CCDC170: variants seen among roughly 807,000 people sequenced by gnomAD.
The protein encoded by CCDC170 is coiled-coil domain-containing protein 170.
In CCDC170, 69 loss-of-function variants were observed where a neutral mutation model predicts 72.6. The observed-to-expected ratio is 0.95, with a 90% CI of 0.78 to 1.16. CCDC170 has a LOEUF of 1.16. CCDC170 is among the 50% of genes most tolerant of loss of function. The probability of loss-of-function intolerance (pLI) is 0.00; values close to 1 mark genes in which losing one functional copy is unlikely to be tolerated. For synonymous variants in CCDC170, 300 were observed against 303.9 expected, an observed-to-expected ratio of 0.99 and a Z score of 0.13; for missense variants, 852 against 832.5, an observed-to-expected ratio of 1.02 and a Z score of -0.29.
intron 5 of CCDC170, among the ~76,000 whole-genome samples, chr6:151,554,767 T>A (rs1263316705): frequency 6.6e-6 from 1 of 151,918 alleles, no homozygotes; most frequent in African/African-American, 2.4e-5. Context: ...CGCAGAGCGG[T>A]TAAGAAGCTA....
intron 7 of CCDC170, among the ~76,000 whole-genome samples, chr6:151,587,253 T>G (rs757284457): frequency 1.2e-4 from 18 of 152,032 alleles, no homozygotes; most frequent in Non-Finnish European, 2.1e-4. Flanking sequence ...CAGTGATCTT[T>G]GAGAGGCAGT....
intron 9 of CCDC170, among the ~76,000 whole-genome samples, chr6:151,615,181 C>T (rs79621305): frequency 0.015 from 2,263 of 152,178 alleles, 28 homozygotes; most frequent in Non-Finnish European, 0.023. Flanking sequence ...AAATCTGACC[C>T]CAGAATTATG....
intron 5 of CCDC170, among the ~76,000 whole-genome samples, chr6:151,568,976 A>G (rs949632058): frequency 6.6e-6 from 1 of 152,230 alleles, no homozygotes; most frequent in African/African-American, 2.4e-5. Context: ...ATAAGTGCAT[A>G]TTAAGTTTTG....
intron 9 of CCDC170, among the ~76,000 whole-genome samples, chr6:151,606,455 T>C (rs73617526): frequency 0.029 from 4,409 of 152,322 alleles, 175 homozygotes; most frequent in African/African-American, 0.093. Context: ...GATTGATTTC[T>C]AATTTTAGTC....
At chr6:151,596,719 G>A (rs1776631723) in intron 9 of CCDC170, 142 bp downstream of exon 9, 1 of 1,219,766 alleles carries the variant, frequency 8.2e-7, no homozygotes, top group African/African-American at 1.5e-5. Context: ...TGGGAAAAAT[G>A]CAAAAATGAC....
chr6:151,555,989 T>C (rs942520739), intron 5 of CCDC170, among the ~76,000 whole-genome samples: 8 of 152,336 alleles, frequency 5.3e-5, no homozygotes, highest in Admixed American at 3.9e-4. Flanking sequence ...CGTATGCCTG[T>C]AATGTCAACA....
intron 7 of CCDC170, among the ~76,000 whole-genome samples, chr6:151,588,110 C>T (rs1776480977): frequency 6.6e-6 from 1 of 152,142 alleles, no homozygotes; most frequent in Non-Finnish European, 1.5e-5. Context: ...AGTCTAATGA[C>T]TCAGGCTTCA....
At chr6:151,574,208 T>G (rs2115090881) in intron 6 of CCDC170, among the ~76,000 whole-genome samples, 1 of 152,288 alleles carries the variant, frequency 6.6e-6, no homozygotes, top group South Asian at 2.1e-4. Context: ...GCAAATCCTG[T>G]CTCTAAAAAA....
intron 1 of CCDC170, among the ~76,000 whole-genome samples, chr6:151,515,448 A>G (rs1782221648): frequency 6.6e-6 from 1 of 152,098 alleles, no homozygotes; most frequent in African/African-American, 2.4e-5. Flanking sequence ...ACACCTGGCT[A>G]ATTTTTGTAT....
chr6:151,557,408 C>CA lies in CCDC170; in HGVS notation c.774+8936dup, dbSNP rs201961628. 2.9e-3 allele frequency among the ~76,000 whole-genome samples: 383 copies of CA among 132,212 alleles called. 2 individuals carry two copies. The highest frequency in any genetic ancestry group is 0.011 in the South Asian group (47 of 4,114). 86.7% of individuals were successfully genotyped at this position (132,212 alleles called of 152,430 possible). ...TGGGTGACAGAGCGAGATTCTGTCT[C>CA]AAAAAAAAAAAAAAAAATCCATTCA... is the stretch of plus-strand genomic sequence containing the variant. On this transcript the variant is annotated intron_variant, in intron 5 of 10. Transcript: ENST00000239374.
chr6:151,528,661 A>T (rs1782446838), intron 1 of CCDC170, among the ~76,000 whole-genome samples: 1 of 152,026 alleles, frequency 6.6e-6, no homozygotes, highest in Non-Finnish European at 1.5e-5. Flanking sequence ...AACATGGTGA[A>T]ACCCCATCTC....
intron 1 of CCDC170, among the ~76,000 whole-genome samples, chr6:151,528,749 A>G (rs1343247071): frequency 6.6e-6 from 1 of 151,964 alleles, no homozygotes; most frequent in Admixed American, 6.5e-5. Flanking sequence ...GAGGCAGGAG[A>G]ATCGCTTGAA....
At chr6:151,613,486 TC>T (rs1227204672) in intron 9 of CCDC170, among the ~76,000 whole-genome samples, 4 of 152,158 alleles carry the variant, frequency 2.6e-5, no homozygotes, top group Non-Finnish European at 5.9e-5. Context: ...AACATTTTCA[TC>T]CCCTCCAAGA....
intron 1 of CCDC170, among the ~76,000 whole-genome samples, chr6:151,499,445 T>C (rs1199007214): frequency 6.7e-6 from 1 of 148,724 alleles, no homozygotes; most frequent in Non-Finnish European, 1.5e-5. Flanking sequence ...ATTTGACTAT[T>C]CTAGGCACGC....
At position 151,593,179 on chromosome 6, in the gene CCDC170, A is replaced by C. The variant is rs1422528620; in HGVS notation, c.1366A>C (p.Met456Leu). 5 of 1,614,074 alleles carry C rather than the reference A, an allele frequency of 3.1e-6. No homozygotes were observed. The highest frequency in any genetic ancestry group is 1.6e-4 in the Middle Eastern group (1 of 6,084). The change falls in exon 8 of 11, where the codon ATG becomes CTG. Residue 456 changes from methionine (M) to leucine (L), a missense_variant. Physicochemically the swap from Met to Leu is conservative, Grantham distance 15. Transcript: ENST00000239374. ...GATGGCTGCCGAACTTGGCTTTGACATGCGGCTGGACGTGGTTTTAGCTCG... is the reference window on the plus strand; with the variant it reads ...GATGGCTGCCGAACTTGGCTTTGACCTGCGGCTGGACGTGGTTTTAGCTCG... The part of the protein sequence containing the change: ...DQMAAELGFD[M>L]RLDVVLARTE...
At chr6:151,587,648 A>T (rs1400840300) in intron 7 of CCDC170, among the ~76,000 whole-genome samples, 1 of 152,234 alleles carries the variant, frequency 6.6e-6, no homozygotes. Flanking sequence ...ATATGCAAAG[A>T]TGTGCCAAAG....
chr6:151,505,248 C>A (rs774631871), intron 1 of CCDC170, among the ~76,000 whole-genome samples: 5 of 152,110 alleles, frequency 3.3e-5, no homozygotes, highest in Non-Finnish European at 5.9e-5. Context: ...GTGTTTATGC[C>A]CACCAAGCAT....
intron 1 of CCDC170, among the ~76,000 whole-genome samples, chr6:151,510,059 G>C (rs542762945): frequency 6.6e-6 from 1 of 152,172 alleles, no homozygotes; most frequent in Non-Finnish European, 1.5e-5. Flanking sequence ...GGAGGTGGAG[G>C]TTGCGGTGAG....
At chr6:151,547,201 A>G (rs57274590) in intron 4 of CCDC170, among the ~76,000 whole-genome samples, 3,726 of 152,284 alleles carry the variant, frequency 0.024, 142 homozygotes, top group African/African-American at 0.081. Flanking sequence ...TTCATTTCAC[A>G]AATATTTAGT....
Sources: allele counts gnomAD v4.1 joint callset (sites outside exome capture counted in the v4.1 genomes callset), GRCh38; gene constraint gnomAD v4.1.1; transcripts MANE v1.5; gene names NCBI Gene and HGNC (gene_info 2026-07-23, HGNC 2026-07-21).